Variants in LHFPL3 observed in about 807,000 individuals in gnomAD.
The protein encoded by LHFPL3 is LHFPL tetraspan subfamily member 3 protein.
Under a neutral mutation model 19.3 loss-of-function variants are expected in LHFPL3, and 5 were observed. The observed-to-expected ratio is 0.26, with a 90% CI of 0.14 to 0.54. LHFPL3 has a LOEUF of 0.54. Ranked by LOEUF, LHFPL3 falls within the 20% of genes least tolerant of loss-of-function variation. The pLI is 0.94. For synonymous variants in LHFPL3, 133 were observed against 126.2 expected (o/e 1.05, Z -0.36); for missense variants, 249 against 307.4 (o/e 0.81, Z 1.42).
intron 1 of LHFPL3, among the ~76,000 whole-genome samples, chr7:104,620,073 T>G (rs537564326): frequency 1.3e-5 from 2 of 152,352 alleles, no homozygotes; most frequent in African/African-American, 4.8e-5. Flanking sequence ...CACCTCCTGC[T>G]GTGCTGCCTG....
At chr7:104,570,286 G>A (rs1389519110) in intron 1 of LHFPL3, among the ~76,000 whole-genome samples, 1 of 152,082 alleles carries the variant, frequency 6.6e-6, no homozygotes, top group African/African-American at 2.4e-5. Context: ...CACCCCTCCT[G>A]GTGGCACCAC....
chr7:104,407,235 C>T (rs1489215840), intron 1 of LHFPL3, among the ~76,000 whole-genome samples: 1 of 152,246 alleles, frequency 6.6e-6, no homozygotes, highest in African/African-American at 2.4e-5. Context: ...AAAACATAAC[C>T]CCGTCTTTAA....
intron 1 of LHFPL3, among the ~76,000 whole-genome samples, chr7:104,368,675 G>GT (rs1790546322): frequency 6.6e-6 from 1 of 151,576 alleles, no homozygotes; most frequent in South Asian, 2.1e-4. Context: ...GTGTGTGTGT[G>GT]TGTGTTGTTT....
intron 2 of LHFPL3, among the ~76,000 whole-genome samples, chr7:104,779,230 C>T (rs1416620340): frequency 6.6e-6 from 1 of 152,110 alleles, no homozygotes; most frequent in Non-Finnish European, 1.5e-5. Context: ...GAGGATTAGG[C>T]AGGTCATAGG....
chr7:104,394,921 G>A (rs998485378), intron 1 of LHFPL3, among the ~76,000 whole-genome samples: 9 of 151,838 alleles, frequency 5.9e-5, no homozygotes, highest in East Asian at 1.9e-4. Flanking sequence ...GGCTGGTCTC[G>A]AACTCCTGAC....
intron 1 of LHFPL3, among the ~76,000 whole-genome samples, chr7:104,407,656 CAG>C (rs1490155999): frequency 2.0e-5 from 3 of 152,050 alleles, no homozygotes; most frequent in African/African-American, 7.3e-5. Context: ...AACTCTGTCT[CAG>C]GGAATAAAAA....
At chr7:104,390,518 C>A (rs897815488) in intron 1 of LHFPL3, among the ~76,000 whole-genome samples, 1 of 152,122 alleles carries the variant, frequency 6.6e-6, no homozygotes, top group Non-Finnish European at 1.5e-5. Flanking sequence ...TGAATTCATC[C>A]TTTTTTAAGG....
At chr7:104,892,850 T>G (rs1792278485) in intron 2 of LHFPL3, among the ~76,000 whole-genome samples, 2 of 152,156 alleles carry the variant, frequency 1.3e-5, no homozygotes, top group African/African-American at 4.8e-5. Flanking sequence ...ATCATGCTAC[T>G]TCATATCCTG....
At chr7:104,593,874 T>C (rs1170861246) in intron 1 of LHFPL3, among the ~76,000 whole-genome samples, 1 of 147,388 alleles carries the variant, frequency 6.8e-6, no homozygotes, top group South Asian at 2.1e-4. Flanking sequence ...ACCCCTGCTT[T>C]TTTTTTGCAT....
At chr7:104,608,568 G>C (rs957491443) in intron 1 of LHFPL3, among the ~76,000 whole-genome samples, 3 of 149,424 alleles carry the variant, frequency 2.0e-5, no homozygotes, top group South Asian at 2.1e-4. Flanking sequence ...AATGGGTGCA[G>C]TACACCAACA....
intron 2 of LHFPL3, among the ~76,000 whole-genome samples, chr7:104,806,626 TG>T (rs149984892): frequency 6.6e-6 from 1 of 151,958 alleles, no homozygotes; most frequent in Non-Finnish European, 1.5e-5. Context: ...GTTTTCAACA[TG>T]AAAAAAAAAA....
intron 1 of LHFPL3, among the ~76,000 whole-genome samples, chr7:104,402,569 T>G (rs186706626): frequency 6.6e-6 from 1 of 152,228 alleles, no homozygotes; most frequent in Non-Finnish European, 1.5e-5. Context: ...TGATTACTTA[T>G]GCTACTTCCC....
At chr7:104,743,661 C>G (rs1204553523) in intron 2 of LHFPL3, among the ~76,000 whole-genome samples, 2 of 152,118 alleles carry the variant, frequency 1.3e-5, no homozygotes, top group East Asian at 3.8e-4. Context: ...TGCAATAACC[C>G]TGTGAGATGT....
intron 2 of LHFPL3, among the ~76,000 whole-genome samples, chr7:104,889,340 C>G (rs1792204656): frequency 6.6e-6 from 1 of 152,136 alleles, no homozygotes; most frequent in African/African-American, 2.4e-5. Flanking sequence ...TTTTAAAAAT[C>G]AAGTATTGGC....
intron 2 of LHFPL3, among the ~76,000 whole-genome samples, chr7:104,789,563 G>A (rs1316740204): frequency 6.6e-6 from 1 of 152,016 alleles, no homozygotes; most frequent in African/African-American, 2.4e-5. Context: ...AGCCTACTAG[G>A]AGTAAGAAAT....
chr7:104,669,042 C>A, intron 1 of LHFPL3: 1 of 1,612,104 alleles, frequency 6.2e-7, no homozygotes, highest in Non-Finnish European at 8.5e-7. Context: ...CCACATCTGG[C>A]AGAAATGCAT....
intron 1 of LHFPL3, among the ~76,000 whole-genome samples, chr7:104,608,097 A>G (rs530771342): frequency 9.2e-5 from 14 of 152,286 alleles, no homozygotes; most frequent in Non-Finnish European, 5.9e-5. Flanking sequence ...GCGATTCCTC[A>G]GGGATCTAGA....
At chr7:104,703,148 T>A (rs550122760) in intron 1 of LHFPL3, among the ~76,000 whole-genome samples, 168 of 152,384 alleles carry the variant, frequency 1.1e-3, no homozygotes, top group South Asian at 1.9e-3. Flanking sequence ...CAAATCAAGA[T>A]GTAGCTTTTA....
At position 104,715,756 on chromosome 7, in the gene LHFPL3, G is replaced by GTA. The variant is rs565199545; in HGVS notation, c.446-20917_446-20916dup. Reference sequence around the variant, plus strand: ...AGGGATAAATCCCACTTGGCAATGTGTATGATCATTTTTAATGTGCTGTTG... The same window carrying GTA: ...AGGGATAAATCCCACTTGGCAATGTGTATATGATCATTTTTAATGTGCTGTTG... On this transcript the variant is annotated intron_variant, in intron 1 of 2. Transcript: ENST00000424859. 2.1e-3 allele frequency among the ~76,000 whole-genome samples: 319 copies of GTA among 152,280 alleles called. 1 individual carries two copies. The highest frequency in any genetic ancestry group is 3.8e-3 in the Non-Finnish European group (259 of 68,020).
Sources: allele counts gnomAD v4.1 joint callset (sites outside exome capture counted in the v4.1 genomes callset), GRCh38; gene constraint gnomAD v4.1.1; transcripts MANE v1.5; gene names NCBI Gene and HGNC (gene_info 2026-07-23, HGNC 2026-07-21).